The following ZNF740 variants were observed in gnomAD, a reference collection of about 807,000 sequenced individuals.
ZNF740 encodes the protein oriLyt TD-element-binding protein 7.
Under a neutral mutation model 24.8 loss-of-function variants are expected in ZNF740, and 14 were observed. That is an observed-to-expected ratio of 0.56 (90% confidence interval 0.37 to 0.88). The LOEUF is 0.88. ZNF740 is among the 40% of genes least tolerant of loss of function. The pLI is 0.00. For synonymous variants in ZNF740, 69 were observed against 84.0 expected, an observed-to-expected ratio of 0.82 and a Z score of 0.98; for missense variants, 201 against 247.9, an observed-to-expected ratio of 0.81 and a Z score of 1.27.
At position 53,194,595 on chromosome 12, in the gene ZNF740, A is replaced by G. The variant is rs552558751; in HGVS notation, c.*7005A>G. 1.1e-4 allele frequency: 46 copies of G among 433,834 alleles called. No homozygotes were observed. Among genetic ancestry groups the G allele is most frequent in the African/African-American group, 8.3e-4 (42 of 50,692 alleles). 26.9% of individuals were successfully genotyped at this position (433,834 alleles called of 1,614,324 possible). ...GCCAGCAAGGGCCACTGAGGGTCAC[A>G]GGCTGGCCAGGTGCTGTAAATGTAC... On this transcript the variant is annotated 3_prime_UTR_variant, in exon 7 of 7. Coordinates refer to ENST00000416904, the MANE Select transcript of ZNF740 (RefSeq NM_001004304.4).
At chr12:53,181,099 G>A in intron 1 of ZNF740, 2 of 930,100 alleles carry the variant, frequency 2.2e-6, no homozygotes, top group Non-Finnish European at 2.6e-6. Context: ...CGCGCTTCTC[G>A]GCACTCTCCG....
rs767508027 is a variant in ZNF740 at position 53,186,526 on chromosome 12, C to T, written c.492+17C>T. On this transcript the variant is annotated intron_variant, in intron 6 of 6. Transcript: ENST00000416904. The stretch of plus-strand genomic sequence containing the variant: ...TGTCATCAGGTAAGGCTCATCCCTG[C>T]TACAATACCCCACACACACTTTTCC... 27 of 1,534,296 alleles carry T rather than the reference C, an allele frequency of 1.8e-5. No homozygotes were observed. Among genetic ancestry groups the T allele is most frequent in the Admixed American group, 7.8e-5 (4 of 51,010 alleles).
In ZNF740 at chr12:53,185,449, C is replaced by G. The variant is rs936359958; in HGVS notation, c.222C>G (p.Ala74=). The G allele has an allele frequency of 1.9e-6, 3 of 1,613,780 alleles. No individual in the cohort carries two copies. The African/African-American group carries it at 4.0e-5, about 22-fold the overall frequency. The change falls in exon 4 of 7, where the codon GCC becomes GCG. Residue 74 remains alanine, a synonymous_variant. Transcript: ENST00000416904. Reference sequence around the variant, plus strand: ...AAGATGATGACAGCTTGTCTGAGGCCTCTCATTCAAAAAAGACTGTTAAAA... The same window carrying G: ...AAGATGATGACAGCTTGTCTGAGGCGTCTCATTCAAAAAAGACTGTTAAAA... ...SRKDDDSLSE[A]SHSKKTVKKV...
chr12:53,186,940 A>G (rs1941835314), intron 6 of ZNF740: 1 of 184,574 alleles, frequency 5.4e-6, no homozygotes, highest in Non-Finnish European at 1.2e-5. Context: ...GAAGAGATAC[A>G]ATCTTTGCCC....
rs1193005594 is a variant in ZNF740, at chr12:53,193,158, CAT to C, written c.*5569_*5570del. On this transcript the variant is annotated 3_prime_UTR_variant, in exon 7 of 7. Transcript: ENST00000416904. Reference sequence around the variant, plus strand: ...CAGGTACCTCCGCAGAGGATGCCCTCATGTCGCTCACAGCTGGCATCGTCACA... The same window carrying C: ...CAGGTACCTCCGCAGAGGATGCCCTCGTCGCTCACAGCTGGCATCGTCACA... 1.2e-6 allele frequency: 2 copies of C among 1,611,926 alleles called. No homozygotes were observed. The highest frequency in any genetic ancestry group is 1.7e-6 in the Non-Finnish European group (2 of 1,178,368).
chr12:53,181,020 C>T (rs559372403), intron 1 of ZNF740, 183 bp downstream of exon 1: 26 of 834,120 alleles, frequency 3.1e-5, no homozygotes, highest in African/African-American at 1.3e-4. Context: ...CCCCTGCCCG[C>T]GCGTCCCGCC....
At chr12:53,181,505 C>T in intron 1 of ZNF740, 172 bp from the exon 2 acceptor site, 2 of 985,296 alleles carry the variant, frequency 2.0e-6, no homozygotes, top group Non-Finnish European at 2.4e-6. Context: ...GCTTCCACTC[C>T]TTGCCCAGGA....
At position 53,191,970 on chromosome 12, in the gene ZNF740, G is replaced by C. The variant is rs6580933; in HGVS notation, c.*4380G>C. 2 of 1,611,824 alleles carry C rather than the reference G, an allele frequency of 1.2e-6. No individual in the cohort carries two copies. Among genetic ancestry groups the C allele is most frequent in the Non-Finnish European group, 8.5e-7 (1 of 1,179,896 alleles). ...GGACCAGCCCCAGCCCCACTGCCACGATGCCCCCTACGCAGCCCAGCACAA... is the reference window on the plus strand; with the variant it reads ...GGACCAGCCCCAGCCCCACTGCCACCATGCCCCCTACGCAGCCCAGCACAA... On this transcript the variant is annotated 3_prime_UTR_variant, in exon 7 of 7. Coordinates refer to ENST00000416904, the MANE Select transcript of ZNF740 (RefSeq NM_001004304.4).
At chr12:53,185,256 G>C in intron 3 of ZNF740, 131 bp from the exon 4 acceptor site, 4 of 1,167,720 alleles carry the variant, frequency 3.4e-6, no homozygotes, top group Admixed American at 2.3e-5. Context: ...AGAGGAAATA[G>C]TTGTATACTT....
At chr12:53,185,807 C>G (rs1314566033) in intron 4 of ZNF740, 147 bp from the exon 5 acceptor site, 23 of 1,129,658 alleles carry the variant, frequency 2.0e-5, no homozygotes, top group Non-Finnish European at 2.6e-5. Flanking sequence ...GGTCTCTTAC[C>G]TCCATGGAGT....
intron 3 of ZNF740, 55 bp downstream of exon 3, chr12:53,185,095 G>T (rs1941797565): frequency 7.5e-6 from 12 of 1,606,016 alleles, no homozygotes; most frequent in Non-Finnish European, 9.4e-6. Context: ...CAAGCTCTCT[G>T]CCAGGAGATA....
chr12:53,192,582 C>T lies in ZNF740; in HGVS notation c.*4992C>T, dbSNP rs1565698268. ...TAGGTTACCAGCTGGGCAGTTGTCA[C>T]CCAATGCCCCTTGCCCAACTACAAG... is the stretch of plus-strand genomic sequence containing the variant. On this transcript the variant is annotated 3_prime_UTR_variant, in exon 7 of 7. Transcript: ENST00000416904. 6.2e-7 allele frequency: 1 copy of T among 1,600,172 alleles called. No homozygotes were observed. Among genetic ancestry groups the T allele is most frequent in the Non-Finnish European group, 8.6e-7 (1 of 1,168,864 alleles).
At position 53,194,342 on chromosome 12, in the gene ZNF740, G is replaced by A; in HGVS notation, c.*6752G>A. 6.2e-7 allele frequency: 1 copy of A among 1,613,956 alleles called. No homozygotes were observed. Among genetic ancestry groups the A allele is most frequent in the Non-Finnish European group, 8.5e-7 (1 of 1,179,936 alleles). On this transcript the variant is annotated 3_prime_UTR_variant, in exon 7 of 7. Coordinates refer to ENST00000416904, the MANE Select transcript of ZNF740 (RefSeq NM_001004304.4). ...GTTCAAGGGTCACGGTGGAAGACAGGCTCTATGGGAAGAGAGCGAGTGGAT... is the reference window on the plus strand; with the variant it reads ...GTTCAAGGGTCACGGTGGAAGACAGACTCTATGGGAAGAGAGCGAGTGGAT...
chr12:53,185,952 AGGT>A lies in ZNF740; in HGVS notation c.255_257del (p.Val87del). On this transcript the variant is annotated splice_acceptor_variant and coding_sequence_variant, in exon 5 of 7. Coordinates refer to ENST00000416904, the MANE Select transcript of ZNF740 (RefSeq NM_001004304.4). LOFTEE classifies it high-confidence loss of function. Reference sequence around the variant, plus strand: ...CATGACATGCCTGATTATTGCCCCCAGGTGGTGGTAGTGGAACAAAATGGTTCT... The same window carrying A: ...CATGACATGCCTGATTATTGCCCCCAGGTGGTAGTGGAACAAAATGGTTCT... 1 of 1,613,636 alleles carries A rather than the reference AGGT, an allele frequency of 6.2e-7. No individual in the cohort carries two copies. Among genetic ancestry groups the A allele is most frequent in the Admixed American group, 1.7e-5 (1 of 59,976 alleles).
rs898858782 is a variant in ZNF740 at position 53,181,014 on chromosome 12, T to C, written c.-308+177T>C. The C allele has an allele frequency of 1.4e-5, 12 of 849,170 alleles. No homozygotes were observed. The African/African-American group carries it at 2.1e-4, about 15-fold the overall frequency. The allele number at this position is 849,170 out of a possible 1,614,324, so 52.6% of individuals were successfully genotyped here. A position where few individuals can be genotyped will look rare whatever the true frequency, so the allele number is the denominator to read the frequency against. ...AAGGCCGTGCGCGCACACCGCCCCC[T>C]GCCCGCGCGTCCCGCCGCGTCCCCG... On this transcript the variant is annotated intron_variant, in intron 1 of 6. Transcript: ENST00000416904.
chr12:53,184,140 TGTGTGTGTGTGCGCGC>T (rs1371784038), intron 2 of ZNF740, among the ~76,000 whole-genome samples: 5 of 134,040 alleles, frequency 3.7e-5, no homozygotes, highest in African/African-American at 1.7e-4. Context: ...TGTGTGTGTG[TGTGTGTGTGTGCGCGC>T]GCGCGCTCTG....
intron 2 of ZNF740, among the ~76,000 whole-genome samples, chr12:53,184,114 G>GGTGGGTGT (rs1555175870): frequency 8.1e-6 from 1 of 123,508 alleles, no homozygotes; most frequent in East Asian, 2.6e-4. Flanking sequence ...GAAGCTAAGG[G>GGTGGGTGT]GTGTGTGTGT....
chr12:53,193,296 C>T lies in ZNF740; in HGVS notation c.*5706C>T. On this transcript the variant is annotated 3_prime_UTR_variant, in exon 7 of 7. Transcript: ENST00000416904. ...CCATTGGGAGCCCGGCACCCAGATT[C>T]CAGGTCTGGGGAGGACAGCTCTGCC... is the stretch of plus-strand genomic sequence containing the variant. The T allele has an allele frequency of 6.2e-7, 1 of 1,612,786 alleles. No homozygotes were observed.
chr12:53,192,038 A>G lies in ZNF740; in HGVS notation c.*4448A>G. 1 of 1,608,284 alleles carries G rather than the reference A, an allele frequency of 6.2e-7. No individual in the cohort carries two copies. Among genetic ancestry groups the G allele is most frequent in the Non-Finnish European group, 8.5e-7 (1 of 1,176,366 alleles). On this transcript the variant is annotated 3_prime_UTR_variant, in exon 7 of 7. Coordinates refer to ENST00000416904, the MANE Select transcript of ZNF740 (RefSeq NM_001004304.4). ...GCTCCCTCTGTGAACAAGAAACCAG[A>G]CACACTTGTGGGAGCTGGAGCATAG...
Sources: gnomAD v4.1 joint callset for allele counts (sites outside exome capture counted in the v4.1 genomes callset) on GRCh38, gnomAD v4.1.1 for gene constraint, MANE v1.5 for transcripts, NCBI Gene and HGNC (gene_info 2026-07-23, HGNC 2026-07-21) for gene names.